Variants in PCBP3 observed in about 807,000 individuals in gnomAD.
PCBP3 encodes poly(rC) binding protein 3, also known as poly(rC)-binding protein 3.
A neutral mutation model predicts 52.7 loss-of-function variants in PCBP3; 25 were observed. The observed-to-expected ratio is 0.47, with a 90% CI of 0.35 to 0.66. The LOEUF (loss-of-function observed/expected upper bound fraction) is 0.66, where lower values mean the gene tolerates loss of function less well. PCBP3 is among the 30% of genes least tolerant of loss of function. The pLI is 0.01. For missense variants in PCBP3, 391 were observed against 490.3 expected (o/e 0.80, Z 1.91); for synonymous variants, 162 against 183.0 (o/e 0.89, Z 0.93).
intron 4 of PCBP3, among the ~76,000 whole-genome samples, chr21:45,820,860 C>T (rs777058314): frequency 2.6e-4 from 40 of 152,154 alleles, no homozygotes; most frequent in Non-Finnish European, 5.0e-4. Context: ...GTTGGCCACA[C>T]GATCTGGGCT....
intron 4 of PCBP3, among the ~76,000 whole-genome samples, chr21:45,764,248 G>C (rs546224427): frequency 6.6e-6 from 1 of 151,686 alleles, no homozygotes; most frequent in Non-Finnish European, 1.5e-5. Flanking sequence ...TCAGCCTTCC[G>C]AGTAGCTGGG....
chr21:45,714,898 G>C (rs1470953651), intron 2 of PCBP3, among the ~76,000 whole-genome samples: 1 of 152,196 alleles, frequency 6.6e-6, no homozygotes, highest in Non-Finnish European at 1.5e-5. Context: ...TCAGGCATTT[G>C]CTCTAGAAGA....
chr21:45,725,204 T>C (rs2084940316), intron 2 of PCBP3, among the ~76,000 whole-genome samples: 1 of 152,168 alleles, frequency 6.6e-6, no homozygotes, highest in Non-Finnish European at 1.5e-5. Flanking sequence ...TGGTCTGTGG[T>C]AGCTTCCACC....
chr21:45,774,703 T>C (rs541653083), intron 4 of PCBP3, among the ~76,000 whole-genome samples: 11 of 152,342 alleles, frequency 7.2e-5, no homozygotes, highest in Non-Finnish European at 1.2e-4. Flanking sequence ...ATGCTTAGTT[T>C]GTTGAGAGTT....
Position 45,837,333 on chromosome 21 carries a change from G to T in PCBP3, c.-125-12628G>T, listed in dbSNP as rs2093612396. ...GTGACCCTCCCTTTAATCTGGGCAG[G>T]CATGTGCCTCCAGCGGAAATGATGT... On this transcript the variant is annotated intron_variant, in intron 4 of 17. Coordinates refer to ENST00000681687, the MANE Select transcript of PCBP3 (RefSeq NM_001384156.1). This position sits in a 1 kb window ranked among gnomAD's most constrained non-coding sequence, Gnocchi z 4.1. Among the ~76,000 whole-genome samples, 1 of 152,204 alleles carries T rather than the reference G, an allele frequency of 6.6e-6. No individual in the cohort carries two copies. The highest frequency in any genetic ancestry group is 2.1e-4 in the South Asian group (1 of 4,838).
At position 45,737,048 on chromosome 21, in the gene PCBP3, A is replaced by T. The variant is rs973221739; in HGVS notation, c.-162+1619A>T. Among the ~76,000 whole-genome samples the T allele has an allele frequency of 6.6e-6, 1 of 152,122 alleles. No homozygotes were observed. The highest frequency in any genetic ancestry group is 2.4e-5 in the African/African-American group (1 of 41,428). On this transcript the variant is annotated intron_variant, in intron 3 of 17. Transcript: ENST00000681687. This position sits in a 1 kb window ranked among gnomAD's most constrained non-coding sequence, Gnocchi z 4.9. ...CTGCAGGGCCAAGGGGGTTTGGAGC[A>T]GAAGCTCGGGTCTGACATGCCTGGT...
intron 5 of PCBP3, chr21:45,859,617 A>G (rs942930720): frequency 3.3e-5 from 5 of 152,238 alleles, no homozygotes; most frequent in Non-Finnish European, 7.3e-5. Flanking sequence ...TCTTGGAGAA[A>G]CCACTAGGGG....
At chr21:45,843,015 G>T (rs1187033970) in intron 4 of PCBP3, among the ~76,000 whole-genome samples, 1 of 145,674 alleles carries the variant, frequency 6.9e-6, no homozygotes, top group Non-Finnish European at 1.5e-5. Context: ...CTTTTCCAGT[G>T]CCCTGTCTGA....
intron 16 of PCBP3, among the ~76,000 whole-genome samples, chr21:45,936,115 G>A (rs1034841419): frequency 2.0e-5 from 3 of 152,192 alleles, no homozygotes; most frequent in Non-Finnish European, 4.4e-5. Flanking sequence ...ACACCTGCTG[G>A]GCAGGAAATC....
chr21:45,903,078 G>A (rs543152599), intron 9 of PCBP3, among the ~76,000 whole-genome samples: 1 of 152,288 alleles, frequency 6.6e-6, no homozygotes, highest in South Asian at 2.1e-4. Flanking sequence ...GAAGTCTCAG[G>A]ATACCATTCC....
intron 9 of PCBP3, among the ~76,000 whole-genome samples, chr21:45,905,317 C>T (rs540428307): frequency 3.6e-4 from 55 of 152,320 alleles, no homozygotes; most frequent in Non-Finnish European, 7.1e-4. Context: ...TGCCCAAGAA[C>T]TCAGCACCCG....
At chr21:45,909,690 CCACTGCCCAGATACGGACCCGG>C in intron 10 of PCBP3, among the ~76,000 whole-genome samples, 1 of 151,150 alleles carries the variant, frequency 6.6e-6, no homozygotes, top group African/African-American at 2.4e-5. Context: ...CCCAGCCCAC[CCACTGCCCAGATACGGACCCGG>C]CCACCCACTG....
At chr21:45,892,847 C>G (rs935412536) in intron 5 of PCBP3, among the ~76,000 whole-genome samples, 1 of 152,182 alleles carries the variant, frequency 6.6e-6, no homozygotes, top group Non-Finnish European at 1.5e-5. Flanking sequence ...TCTTAGTGAC[C>G]GTCTCCACTG....
chr21:45,652,408 C>T (rs966468324), intron 1 of PCBP3, among the ~76,000 whole-genome samples: 9 of 150,036 alleles, frequency 6.0e-5, no homozygotes, highest in African/African-American at 2.2e-4. Flanking sequence ...ATCATGCCAG[C>T]TTATTCTTAA....
In PCBP3 at chr21:45,899,642, C is replaced by A; in HGVS notation, c.189+20C>A. 2 of 1,594,046 alleles carry A rather than the reference C, an allele frequency of 1.3e-6. No homozygotes were observed. The highest frequency in any genetic ancestry group is 1.7e-5 in the Admixed American group (1 of 59,982). On this transcript the variant is annotated intron_variant, in intron 7 of 17. Transcript: ENST00000681687. ...GGGAAGGTAATTATTGATTGAATCT[C>A]TGCCTCTCCTGGGGTCTCTGTAAGG... is the stretch of plus-strand genomic sequence containing the variant.
At chr21:45,778,981 C>T (rs1569211905) in intron 4 of PCBP3, among the ~76,000 whole-genome samples, 1 of 152,150 alleles carries the variant, frequency 6.6e-6, no homozygotes, top group Admixed American at 6.5e-5. Context: ...AGCTCCCAGT[C>T]CCCACAGGGC....
intron 3 of PCBP3, among the ~76,000 whole-genome samples, chr21:45,747,232 T>C (rs141867528): frequency 6.6e-6 from 1 of 152,320 alleles, no homozygotes; most frequent in African/African-American, 2.4e-5. Flanking sequence ...TGGTGAGATT[T>C]ATTCACTACC....
intron 4 of PCBP3, among the ~76,000 whole-genome samples, chr21:45,809,787 G>A (rs1327259328): frequency 6.6e-6 from 1 of 152,304 alleles, no homozygotes. Flanking sequence ...ATGAGGTTTG[G>A]GGGGCAGAAT....
At chr21:45,793,825 G>T (rs953619339) in intron 4 of PCBP3, among the ~76,000 whole-genome samples, 38 of 152,304 alleles carry the variant, frequency 2.5e-4, no homozygotes, top group Middle Eastern at 3.4e-3. Context: ...TGTAGACACA[G>T]ACAGACTAGA....
Sources: gnomAD v4.1 joint callset for allele counts (sites outside exome capture counted in the v4.1 genomes callset) on GRCh38, gnomAD v4.1.1 for gene constraint, Gnocchi (gnomAD v3.1) non-coding constraint, MANE v1.5 for transcripts, NCBI Gene and HGNC (gene_info 2026-07-23, HGNC 2026-07-21) for gene names.